The following SCAMP1 variants were observed in gnomAD, a reference collection of about 807,000 sequenced individuals.
The protein encoded by SCAMP1 is secretory carrier membrane protein 1, also known as secretory carrier-associated membrane protein 1.
In SCAMP1, 15 loss-of-function variants were observed where a neutral mutation model predicts 41.8. The observed-to-expected ratio is 0.36, with a 90% confidence interval of 0.24 to 0.55. SCAMP1 has a LOEUF of 0.55. Among genes scored for constraint, SCAMP1 ranks in the 20% least tolerant of loss-of-function variants. The probability of loss-of-function intolerance (pLI) is 0.86; values close to 1 mark genes in which losing one functional copy is unlikely to be tolerated. For synonymous variants in SCAMP1, 135 were observed against 136.8 expected (o/e 0.99, Z 0.09); for missense variants, 341 against 412.6 (o/e 0.83, Z 1.50).
chr5:78,442,243 T>C (rs577231130), intron 6 of SCAMP1, among the ~76,000 whole-genome samples: 2 of 152,210 alleles, frequency 1.3e-5, no homozygotes, highest in Non-Finnish European at 2.9e-5. Flanking sequence ...TCATGGAGGC[T>C]TATTTGCAGA....
intron 1 of SCAMP1, among the ~76,000 whole-genome samples, chr5:78,376,120 A>G (rs1393669431): frequency 6.6e-6 from 1 of 152,060 alleles, no homozygotes; most frequent in Non-Finnish European, 1.5e-5. Flanking sequence ...GGTCCTACCG[A>G]TATGTGATGT....
At chr5:78,423,006 A>ACGCG (rs750021109) in intron 6 of SCAMP1, among the ~76,000 whole-genome samples, 5 of 45,076 alleles carry the variant, frequency 1.1e-4, no homozygotes, top group African/African-American at 3.0e-4. Context: ...TGTGTAACAC[A>ACGCG]CGCGCGCGCG....
intron 6 of SCAMP1, among the ~76,000 whole-genome samples, chr5:78,423,718 G>A (rs1752397295): frequency 1.3e-5 from 2 of 151,648 alleles, no homozygotes; most frequent in African/African-American, 2.4e-5. Context: ...AAAATGCTTG[G>A]TGGAACATTT....
chr5:78,415,506 C>T lies in SCAMP1; in HGVS notation c.136-14C>T, dbSNP rs1482693547. On this transcript the variant is annotated splice_polypyrimidine_tract_variant and intron_variant, in intron 2 of 8. Coordinates refer to ENST00000621999, the MANE Select transcript of SCAMP1 (RefSeq NM_004866.6). ...CTCTGTGTTACATAATTTTCCTTCT[C>T]TTAATCCTCCTAGCCTCCACCAGGC... The T allele has an allele frequency of 3.2e-6, 5 of 1,540,328 alleles. No homozygotes were observed. Among genetic ancestry groups the T allele is most frequent in the Admixed American group, 1.8e-5 (1 of 54,208 alleles).
At chr5:78,454,835 A>C (rs1231187497) in intron 7 of SCAMP1, among the ~76,000 whole-genome samples, 4 of 147,384 alleles carry the variant, frequency 2.7e-5, no homozygotes, top group South Asian at 4.3e-4. Context: ...GGTTGGTAAA[A>C]TATTGATTAT....
intron 1 of SCAMP1, among the ~76,000 whole-genome samples, chr5:78,373,126 C>A (rs1318549219): frequency 6.6e-6 from 1 of 152,078 alleles, no homozygotes; most frequent in Non-Finnish European, 1.5e-5. Context: ...GAATACAAAC[C>A]TCTGCAAATT....
At chr5:78,410,119 T>C (rs1382244874) in intron 2 of SCAMP1, among the ~76,000 whole-genome samples, 1 of 71,392 alleles carries the variant, frequency 1.4e-5, no homozygotes, top group African/African-American at 6.4e-5. Flanking sequence ...CTCTTTTTCT[T>C]TTTTTTTTTT....
chr5:78,368,323 C>G (rs1309123199), intron 1 of SCAMP1, among the ~76,000 whole-genome samples: 5 of 151,568 alleles, frequency 3.3e-5, no homozygotes, highest in Non-Finnish European at 4.4e-5. Context: ...GATTTGAACA[C>G]AGTTTTATTT....
chr5:78,405,998 A>T (rs1751925621), intron 2 of SCAMP1, among the ~76,000 whole-genome samples: 1 of 152,248 alleles, frequency 6.6e-6, no homozygotes, highest in South Asian at 2.1e-4. Flanking sequence ...TGTGTTAAGC[A>T]TAGCCACAGT....
intron 8 of SCAMP1, among the ~76,000 whole-genome samples, chr5:78,469,121 A>T (rs1282601115): frequency 6.6e-6 from 1 of 152,184 alleles, no homozygotes; most frequent in African/African-American, 2.4e-5. Context: ...AAGGATTATC[A>T]TCTATACTTT....
In SCAMP1 at chr5:78,422,033, G is replaced by A. The variant is rs181280743; in HGVS notation, c.632+73G>A. 1.6e-3 allele frequency: 1,992 copies of A among 1,259,044 alleles called. 10 individuals are homozygous for A. Among genetic ancestry groups the A allele is most frequent in the Non-Finnish European group, 1.1e-3 (1,003 of 909,498 alleles). The allele number at this position is 1,259,044 out of a possible 1,614,324, so 78.0% of individuals were successfully genotyped here. On this transcript the variant is annotated intron_variant, in intron 6 of 8. Coordinates refer to ENST00000621999, the MANE Select transcript of SCAMP1 (RefSeq NM_004866.6). ...AATAATTCGTAGTATACATTAAAGG[G>A]AAAATTGATGCATTTTCATTAAAAA... is the stretch of plus-strand genomic sequence containing the variant.
Position 78,475,859 on chromosome 5 carries a change from G to T in SCAMP1, c.*191G>T, listed in dbSNP as rs1431922131. On this transcript the variant is annotated 3_prime_UTR_variant, in exon 9 of 9. Transcript: ENST00000621999. ...TACCTAATAGTTTCTTAATATTTCA[G>T]TGCCCCTTGCAGAAAAAATATTACA... 8.4e-6 allele frequency: 3 copies of T among 355,270 alleles called. No individual in the cohort carries two copies. The East Asian group carries it at 1.3e-4, about 15-fold the overall frequency. 22.0% of individuals were successfully genotyped at this position (355,270 alleles called of 1,614,324 possible).
Position 78,415,542 on chromosome 5 carries a change from T to C in SCAMP1, c.158T>C (p.Met53Thr). The part of the protein sequence containing the change: ...SRTPPPGGVK[M>T]PNVPNTQPAI... The stretch of plus-strand genomic sequence containing the variant: ...TAGCCTCCACCAGGCGGTGTGAAGA[T>C]GCCTAATGTACCCAATACACAACCA... Residue 53 changes from methionine to threonine, a missense_variant, in exon 3 of 9, where the codon ATG becomes ACG. Transcript: ENST00000621999. The C allele has an allele frequency of 6.2e-7, 1 of 1,606,088 alleles. No individual in the cohort carries two copies. The highest frequency in any genetic ancestry group is 8.5e-7 in the Non-Finnish European group (1 of 1,175,942).
intron 6 of SCAMP1, among the ~76,000 whole-genome samples, chr5:78,447,189 C>T (rs1428233800): frequency 6.6e-6 from 1 of 152,196 alleles, no homozygotes; most frequent in African/African-American, 2.4e-5. Context: ...TTGTCTTCCA[C>T]GAAACAGGTC....
In SCAMP1 at chr5:78,450,039, G is replaced by GTTT; in HGVS notation, c.734+14_734+16dup. 2.0e-5 allele frequency: 25 copies of GTTT among 1,251,196 alleles called. No homozygotes were observed. The highest frequency in any genetic ancestry group is 2.5e-5 in the Admixed American group (1 of 40,284). 77.5% of individuals were successfully genotyped at this position (1,251,196 alleles called of 1,614,324 possible). ...ATTTCATAACTGGGGCAATTGGTAAGTTTTTTTTTTTACTAGTTTTCAGCT... is the reference window on the plus strand; with the variant it reads ...ATTTCATAACTGGGGCAATTGGTAAGTTTTTTTTTTTTTTACTAGTTTTCAGCT... On this transcript the variant is annotated splice_donor_region_variant and intron_variant, in intron 7 of 8. Coordinates refer to ENST00000621999, the MANE Select transcript of SCAMP1 (RefSeq NM_004866.6).
At chr5:78,423,637 A>G (rs1329501887) in intron 6 of SCAMP1, among the ~76,000 whole-genome samples, 2 of 151,656 alleles carry the variant, frequency 1.3e-5, no homozygotes. Context: ...ACTAAAAGCC[A>G]GCTTTGTGCC....
chr5:78,480,449 A>G lies in SCAMP1; in HGVS notation c.*4781A>G, dbSNP rs1202495785. Among the ~76,000 whole-genome samples, 1 of 152,248 alleles carries G rather than the reference A, an allele frequency of 6.6e-6. No individual in the cohort carries two copies. Among genetic ancestry groups the G allele is most frequent in the Non-Finnish European group, 1.5e-5 (1 of 68,044 alleles). ...CACAACTTTTAATATTTTGTATGCC[A>G]GTGATTCTCAAGATAAATCATGATT... On this transcript the variant is annotated 3_prime_UTR_variant, in exon 9 of 9. Transcript: ENST00000621999.
intron 6 of SCAMP1, among the ~76,000 whole-genome samples, chr5:78,439,085 C>T (rs1022980695): frequency 6.6e-6 from 1 of 152,134 alleles, no homozygotes; most frequent in Non-Finnish European, 1.5e-5. Context: ...TCCTCCATCC[C>T]TTTATTTTGA....
chr5:78,446,293 C>A (rs955405819), intron 6 of SCAMP1, among the ~76,000 whole-genome samples: 1 of 152,130 alleles, frequency 6.6e-6, no homozygotes, highest in Non-Finnish European at 1.5e-5. Flanking sequence ...TCAGTATCTT[C>A]TAATAGATTT....
Sources: allele counts gnomAD v4.1 joint callset (sites outside exome capture counted in the v4.1 genomes callset), GRCh38; gene constraint gnomAD v4.1.1; transcripts MANE v1.5; gene names NCBI Gene and HGNC (gene_info 2026-07-23, HGNC 2026-07-21).